Variants in GPSM1 observed in about 807,000 individuals in gnomAD.
GPSM1 encodes the protein G protein-signaling modulator 1.
Under a neutral mutation model 70.5 loss-of-function variants are expected in GPSM1, and 48 were observed. The observed-to-expected ratio is 0.68, with a 90% CI of 0.54 to 0.87. GPSM1 has a LOEUF of 0.87. GPSM1 is among the 40% of genes least tolerant of loss of function. The pLI is 0.00. For missense variants in GPSM1, 981 were observed against 972.6 expected (o/e 1.01, Z -0.11); for synonymous variants, 416 against 430.1 (o/e 0.97, Z 0.41).
chr9:136,327,820 C>T, intron 1 of GPSM1, 57 bp downstream of exon 1: 1 of 674,910 alleles, frequency 1.5e-6, no homozygotes, highest in Non-Finnish European at 2.0e-6. Context: ...CGGGCCGGGT[C>T]GGGACGCGGG....
chr9:136,337,075 G>A lies in GPSM1; in HGVS notation c.578+3G>A. The A allele has an allele frequency of 2.6e-6, 4 of 1,550,282 alleles. No individual in the cohort carries two copies. Among genetic ancestry groups the A allele is most frequent in the Non-Finnish European group, 3.5e-6 (4 of 1,146,902 alleles). ...TGCAAGGCCTCCGAGTTCTACGAGT[G>A]AGTGGGGCAGGGCCAGCCCAGGGAC... On this transcript the variant is annotated splice_donor_region_variant and intron_variant, in intron 4 of 13. Transcript: ENST00000440944.
chr9:136,356,075 G>A (rs1554773069), intron 12 of GPSM1, among the ~76,000 whole-genome samples: 1 of 152,132 alleles, frequency 6.6e-6, no homozygotes, highest in East Asian at 1.9e-4. Context: ...CAGTCTCAGG[G>A]AGGGGGCAGG....
intron 11 of GPSM1, among the ~76,000 whole-genome samples, chr9:136,352,864 TG>T (rs1832708955): frequency 6.6e-6 from 1 of 152,244 alleles, no homozygotes; most frequent in African/African-American, 2.4e-5. Flanking sequence ...GGTTCACTGC[TG>T]CACTTGCTGG....
rs112877881 is a variant in GPSM1 at position 136,336,584 on chromosome 9, C to T, written c.427-337C>T. On this transcript the variant is annotated intron_variant, in intron 3 of 13. Transcript: ENST00000440944. ...GGCTGGGGGGACGTGACTTACCCCC[C>T]GTCACACAGCTGGAGGTGACCAAGG... 3.9e-5 allele frequency among the ~76,000 whole-genome samples: 6 copies of T among 152,340 alleles called. 1 individual carries two copies. Among genetic ancestry groups the T allele is most frequent in the African/African-American group, 1.2e-4 (5 of 41,570 alleles).
chr9:136,339,893 C>T (rs1327845939), intron 8 of GPSM1, 78 bp downstream of exon 8: 29 of 816,624 alleles, frequency 3.6e-5, no homozygotes, highest in Non-Finnish European at 4.9e-5. Context: ...CTGCCCCGAG[C>T]GAGCGTGTGC....
intron 13 of GPSM1, among the ~76,000 whole-genome samples, chr9:136,356,776 C>T (rs574480627): frequency 1.3e-5 from 2 of 152,300 alleles, no homozygotes; most frequent in South Asian, 2.1e-4. Flanking sequence ...AGAGACCCCC[C>T]CTGGCAACCC....
chr9:136,348,890 T>G, intron 10 of GPSM1, 123 bp downstream of exon 10: 1 of 714,526 alleles, frequency 1.4e-6, no homozygotes, highest in African/African-American at 1.7e-5. Flanking sequence ...AAATGTGCCC[T>G]CCTCGGCCTG....
chr9:136,341,405 C>G lies in GPSM1; in HGVS notation c.1207+412C>G. ...CTGGGCTGGGCTGGGCTGTGGGAGC[C>G]CTATGTGCCTGGGGCAGTAATCAGG... On this transcript the variant is annotated intron_variant, in intron 9 of 13. Transcript: ENST00000440944. This position sits in a 1 kb window ranked among gnomAD's most constrained non-coding sequence, Gnocchi z 6.7. 1 of 1,420,916 alleles carries G rather than the reference C, an allele frequency of 7.0e-7. No homozygotes were observed. The highest frequency in any genetic ancestry group is 9.2e-7 in the Non-Finnish European group (1 of 1,092,312). 88.0% of individuals were successfully genotyped at this position (1,420,916 alleles called of 1,614,324 possible).
Position 136,341,167 on chromosome 9 carries a change from C to T in GPSM1, c.1207+174C>T. Reference sequence around the variant, plus strand: ...AGGGACAGCACAGGCCTGAGGTTCACCCTGAGCCCTTCCCACCCGCATCCT... The same window carrying T: ...AGGGACAGCACAGGCCTGAGGTTCATCCTGAGCCCTTCCCACCCGCATCCT... On this transcript the variant is annotated intron_variant, in intron 9 of 13. Transcript: ENST00000440944. This position sits in a 1 kb window ranked among gnomAD's most constrained non-coding sequence, Gnocchi z 6.7. The T allele has an allele frequency of 6.5e-7, 1 of 1,549,180 alleles. No individual in the cohort carries two copies. Among genetic ancestry groups the T allele is most frequent in the Non-Finnish European group, 8.7e-7 (1 of 1,146,374 alleles).
intron 11 of GPSM1, chr9:136,353,151 TC>T: frequency 1.0e-6 from 1 of 979,158 alleles, no homozygotes; most frequent in Non-Finnish European, 1.2e-6. Flanking sequence ...CAGCCTGTGA[TC>T]CGCGTGAGTC....
rs199793419 is a variant in GPSM1 at position 136,356,497 on chromosome 9, G to A, written c.1768G>A (p.Gly590Ser). 8.9e-5 allele frequency: 143 copies of A among 1,611,896 alleles called. 1 individual carries two copies. Among genetic ancestry groups the A allele is most frequent in the Non-Finnish European group, 1.1e-4 (131 of 1,179,366 alleles). The change falls in exon 13 of 14, where the codon GGC becomes AGC. Residue 590 changes from glycine to serine, a missense_variant. Physicochemically the swap from Gly to Ser is moderately conservative, Grantham distance 56. Transcript: ENST00000440944. ...CAATGCAGGGCACCTCCGAGGCCACGGCGAGCCCCAGGAGCCGGGGGACGA... is the reference window on the plus strand; with the variant it reads ...CAATGCAGGGCACCTCCGAGGCCACAGCGAGCCCCAGGAGCCGGGGGACGA... Reference protein sequence around the residue: ...HSNAGHLRGHGEPQEPGDDFF... With the variant: ...HSNAGHLRGHSEPQEPGDDFF...
At position 136,358,404 on chromosome 9, in the gene GPSM1, C is replaced by G. The variant is rs1393662763; in HGVS notation, c.*184C>G. 2 of 611,428 alleles carry G rather than the reference C, an allele frequency of 3.3e-6. No individual in the cohort carries two copies. The highest frequency in any genetic ancestry group is 2.0e-5 in the African/African-American group (1 of 51,240). 37.9% of individuals were successfully genotyped at this position (611,428 alleles called of 1,614,324 possible). On this transcript the variant is annotated 3_prime_UTR_variant, in exon 14 of 14. Coordinates refer to ENST00000440944, the MANE Select transcript of GPSM1 (RefSeq NM_001145638.3). ...CGTGGTGGGAGGGCGTGCTTCCATC[C>G]CGGGCTGGCCCCCATGGCCCTCAGC...
intron 13 of GPSM1, 32 bp downstream of exon 13, chr9:136,356,582 C>A (rs549837196): frequency 2.0e-6 from 3 of 1,537,692 alleles, no homozygotes; most frequent in Non-Finnish European, 2.7e-6. Flanking sequence ...GCGTGGCTCG[C>A]GGCCCCTTTG....
At position 136,358,003 on chromosome 9, in the gene GPSM1, T is replaced by C; in HGVS notation, c.1822-11T>C. ...GGGGGTGAGGCCGCCAACTGCACTG[T>C]GTCCACCCAGTCCTCCAGGATCGAT... On this transcript the variant is annotated splice_polypyrimidine_tract_variant and intron_variant, in intron 13 of 13. Coordinates refer to ENST00000440944, the MANE Select transcript of GPSM1 (RefSeq NM_001145638.3). The C allele has an allele frequency of 6.2e-7, 1 of 1,609,322 alleles. No individual in the cohort carries two copies. The highest frequency in any genetic ancestry group is 8.5e-7 in the Non-Finnish European group (1 of 1,176,876).
In GPSM1 at chr9:136,340,565, G is replaced by T. The variant is rs558151156; in HGVS notation, c.1084-305G>T. ...GGCAGGGGCTGAGAGAGGTGCAGCC[G>T]GGCGGGGCCGGGCCCCTCGCGCACC... On this transcript the variant is annotated intron_variant, in intron 8 of 13. Transcript: ENST00000440944. This position sits in a 1 kb window ranked among gnomAD's most constrained non-coding sequence, Gnocchi z 7.3. Among the ~76,000 whole-genome samples, 1 of 152,038 alleles carries T rather than the reference G, an allele frequency of 6.6e-6. No individual in the cohort carries two copies. Among genetic ancestry groups the T allele is most frequent in the Non-Finnish European group, 1.5e-5 (1 of 67,986 alleles).
rs939167014 is a variant in GPSM1, at chr9:136,342,867, G to A, written c.1207+1874G>A. On this transcript the variant is annotated intron_variant, in intron 9 of 13. Transcript: ENST00000440944. This position sits in a 1 kb window ranked among gnomAD's most constrained non-coding sequence, Gnocchi z 5.5. ...CCAGCGGGGTGTGGGCAGGGAGGAG[G>A]AAGTCGTCTGGAGGTGGGGCTTCAG... Among the ~76,000 whole-genome samples, 3 of 152,102 alleles carry A rather than the reference G, an allele frequency of 2.0e-5. No individual in the cohort carries two copies. Among genetic ancestry groups the A allele is most frequent in the Middle Eastern group, 3.2e-3 (1 of 316 alleles).
intron 1 of GPSM1, among the ~76,000 whole-genome samples, chr9:136,333,003 T>A (rs1554768697): frequency 1.3e-5 from 2 of 152,038 alleles, no homozygotes; most frequent in African/African-American, 4.8e-5. Context: ...AGCAAGACCG[T>A]GTCTCTATAA....
chr9:136,333,662 G>A (rs111274959), intron 1 of GPSM1, among the ~76,000 whole-genome samples: 16 of 152,318 alleles, frequency 1.1e-4, no homozygotes, highest in African/African-American at 3.1e-4. Flanking sequence ...CTCACACGGC[G>A]GAGTTCACCT....
At chr9:136,337,982 C>G (rs781867102) in intron 6 of GPSM1, 21 bp downstream of exon 6, 1 of 1,495,808 alleles carries the variant, frequency 6.7e-7, no homozygotes. Context: ...CCCACAATCT[C>G]CCAGGGAGAC....
Sources: allele counts gnomAD v4.1 joint callset (sites outside exome capture counted in the v4.1 genomes callset), GRCh38; gene constraint gnomAD v4.1.1; non-coding constraint Gnocchi (gnomAD v3.1); transcripts MANE v1.5; gene names NCBI Gene and HGNC (gene_info 2026-07-23, HGNC 2026-07-21).